GPR39: variants seen among roughly 807,000 people sequenced by gnomAD.
GPR39 encodes G protein-coupled receptor 39.
A neutral mutation model predicts 18.4 loss-of-function variants in GPR39; 23 were observed. That is an observed-to-expected ratio of 1.25 (90% confidence interval 0.90 to 1.77). The LOEUF (loss-of-function observed/expected upper bound fraction) is 1.77, where lower values mean the gene tolerates loss of function less well. GPR39 is among the 40% of genes most tolerant of loss of function. The pLI is 0.00. For synonymous variants in GPR39, 280 were observed against 257.9 expected (o/e 1.09, Z -0.82); for missense variants, 647 against 602.4 (o/e 1.07, Z -0.78).
intron 1 of GPR39, among the ~76,000 whole-genome samples, chr2:132,464,590 A>T (rs1230360375): frequency 6.6e-6 from 1 of 151,894 alleles, no homozygotes; most frequent in South Asian, 2.1e-4. Context: ...GAAACATCTC[A>T]CTCATGCTGC....
rs929342908 is a variant in GPR39 at position 132,568,240 on chromosome 2, GAA to G, written c.857-76857_857-76856del. Among the ~76,000 whole-genome samples the G allele has an allele frequency of 3.0e-4, 45 of 152,150 alleles. 1 individual carries two copies. Among genetic ancestry groups the G allele is most frequent in the African/African-American group, 1.0e-3 (43 of 41,446 alleles). ...GCAGGGATGGGAGTGGGGAGATTTA[GAA>G]AAAGTGTCTCACCTTTAGGAAGTGA... On this transcript the variant is annotated intron_variant, in intron 1 of 1. Coordinates refer to ENST00000329321, the MANE Select transcript of GPR39 (RefSeq NM_001508.3).
intron 1 of GPR39, among the ~76,000 whole-genome samples, chr2:132,468,783 A>G (rs1391404590): frequency 6.6e-6 from 1 of 152,182 alleles, no homozygotes; most frequent in Non-Finnish European, 1.5e-5. Context: ...GTCGTTATGA[A>G]GGCTGAAAGT....
chr2:132,536,233 C>G lies in GPR39; in HGVS notation c.857-108868C>G, dbSNP rs553559315. Among the ~76,000 whole-genome samples, 7 of 152,268 alleles carry G rather than the reference C, an allele frequency of 4.6e-5. No homozygotes were observed. In the East Asian group the frequency reaches 1.4e-3, roughly 29 times the overall value. The stretch of plus-strand genomic sequence containing the variant: ...AGTGCTATAAATTTCCCTCTTAATA[C>G]TACTTTAGCTGTTTCCCAGAGATTC... On this transcript the variant is annotated intron_variant, in intron 1 of 1. Coordinates refer to ENST00000329321, the MANE Select transcript of GPR39 (RefSeq NM_001508.3).
chr2:132,561,616 A>ACG (rs60166484), intron 1 of GPR39, among the ~76,000 whole-genome samples: 1 of 149,678 alleles, frequency 6.7e-6, no homozygotes, highest in Non-Finnish European at 1.5e-5. Context: ...ACACACACAC[A>ACG]GATAAGGAAT....
chr2:132,562,883 C>T (rs75529092), intron 1 of GPR39, among the ~76,000 whole-genome samples: 2 of 152,130 alleles, frequency 1.3e-5, no homozygotes, highest in East Asian at 3.9e-4. Flanking sequence ...GGGCAAAAGA[C>T]TTAAGTCTAA....
At position 132,645,604 on chromosome 2, in the gene GPR39, T is replaced by C. The variant is rs1558871549; in HGVS notation, c.1360T>C (p.Ter454ArgextTer53). The change falls in exon 2 of 2, where the codon TGA (stop) becomes CGA (arginine). Residue 454 changes from the stop codon to arginine (R), a stop_lost. Transcript: ENST00000329321. ...GAATGGTTTTCAGGAGCATGAAGTT[T>C]GAATGTCAAGCGAGGGAGCCTTGAG... ...AENGFQEHEV[*>R] 6.2e-7 allele frequency: 1 copy of C among 1,609,308 alleles called. No homozygotes were observed. Among genetic ancestry groups the C allele is most frequent in the South Asian group, 1.1e-5 (1 of 90,586 alleles).
intron 1 of GPR39, among the ~76,000 whole-genome samples, chr2:132,634,221 T>C (rs1295581132): frequency 6.6e-6 from 1 of 151,938 alleles, no homozygotes; most frequent in African/African-American, 2.4e-5. Context: ...GGTGAGATGG[T>C]CATAATTGAC....
intron 1 of GPR39, among the ~76,000 whole-genome samples, chr2:132,627,317 G>A (rs562678911): frequency 6.6e-6 from 1 of 152,262 alleles, no homozygotes; most frequent in South Asian, 2.1e-4. Context: ...GAGAGGATTA[G>A]TTTTAGGCAG....
intron 1 of GPR39, among the ~76,000 whole-genome samples, chr2:132,526,509 A>G (rs907674010): frequency 6.6e-6 from 1 of 152,202 alleles, no homozygotes; most frequent in African/African-American, 2.4e-5. Context: ...TTAATTCAGA[A>G]GTATGTTTTT....
At chr2:132,546,218 T>C (rs1679945947) in intron 1 of GPR39, among the ~76,000 whole-genome samples, 1 of 152,008 alleles carries the variant, frequency 6.6e-6, no homozygotes. Context: ...CAACACAGAT[T>C]ACGGGTCCCC....
rs529723572 is a variant in GPR39 at position 132,505,480 on chromosome 2, C to T, written c.856+87582C>T. Among the ~76,000 whole-genome samples the T allele has an allele frequency of 2.1e-4, 32 of 152,222 alleles. No individual in the cohort carries two copies. In the East Asian group the frequency reaches 5.2e-3, roughly 25 times the overall value. On this transcript the variant is annotated intron_variant, in intron 1 of 1. Transcript: ENST00000329321. ...GTATTCACCCTACTCTACTTTCCACCGTTAGAACTTAGTCCACCTATCTAA... is the reference window on the plus strand; with the variant it reads ...GTATTCACCCTACTCTACTTTCCACTGTTAGAACTTAGTCCACCTATCTAA...
At position 132,557,250 on chromosome 2, in the gene GPR39, G is replaced by A. The variant is rs572702539; in HGVS notation, c.857-87851G>A. Among the ~76,000 whole-genome samples the A allele has an allele frequency of 1.6e-4, 24 of 152,176 alleles. 1 individual carries two copies. The highest frequency in any genetic ancestry group is 5.5e-4 in the African/African-American group (23 of 41,516). ...AGGAGAATCACTTGAACCCAGGAGGGGAAGTTGGAGTGAACCAAGATCGCA... is the reference window on the plus strand; with the variant it reads ...AGGAGAATCACTTGAACCCAGGAGGAGAAGTTGGAGTGAACCAAGATCGCA... On this transcript the variant is annotated intron_variant, in intron 1 of 1. Transcript: ENST00000329321.
chr2:132,494,376 T>G (rs376884050), intron 1 of GPR39, among the ~76,000 whole-genome samples: 2 of 152,192 alleles, frequency 1.3e-5, no homozygotes, highest in African/African-American at 4.8e-5. Flanking sequence ...CCAGGGTCCA[T>G]GAAGGCAGGC....
intron 1 of GPR39, among the ~76,000 whole-genome samples, chr2:132,541,315 C>T (rs1191847522): frequency 2.0e-5 from 3 of 152,114 alleles, no homozygotes; most frequent in African/African-American, 7.2e-5. Context: ...AACTCCTGAC[C>T]TCAGATGATC....
At chr2:132,628,421 T>C (rs1036112655) in intron 1 of GPR39, among the ~76,000 whole-genome samples, 1 of 152,168 alleles carries the variant, frequency 6.6e-6, no homozygotes, top group South Asian at 2.1e-4. Flanking sequence ...CTCTCAAGTT[T>C]GGGAGGGCCC....
At chr2:132,495,948 C>G (rs1307104696) in intron 1 of GPR39, among the ~76,000 whole-genome samples, 2 of 152,096 alleles carry the variant, frequency 1.3e-5, no homozygotes, top group South Asian at 4.2e-4. Flanking sequence ...CTCTACACAG[C>G]CTTCTGAGTT....
At chr2:132,573,314 T>TG (rs1680475063) in intron 1 of GPR39, among the ~76,000 whole-genome samples, 1 of 152,196 alleles carries the variant, frequency 6.6e-6, no homozygotes, top group Non-Finnish European at 1.5e-5. Flanking sequence ...AAGGAAGCTT[T>TG]GGAGATCCCC....
intron 1 of GPR39, among the ~76,000 whole-genome samples, chr2:132,502,937 G>C (rs1679073710): frequency 6.6e-6 from 1 of 152,014 alleles, no homozygotes; most frequent in South Asian, 2.1e-4. Flanking sequence ...TTTTATTTAT[G>C]ATCTCTGTTT....
At chr2:132,590,076 A>T (rs1680801678) in intron 1 of GPR39, among the ~76,000 whole-genome samples, 1 of 152,224 alleles carries the variant, frequency 6.6e-6, no homozygotes, top group Non-Finnish European at 1.5e-5. Flanking sequence ...AACTTCAAAC[A>T]GTTTATCATT....
Sources: gnomAD v4.1 joint callset for allele counts (sites outside exome capture counted in the v4.1 genomes callset) on GRCh38, gnomAD v4.1.1 for gene constraint, MANE v1.5 for transcripts, NCBI Gene and HGNC (gene_info 2026-07-23, HGNC 2026-07-21) for gene names.